SLC35F4: variants seen among roughly 807,000 people sequenced by gnomAD.
SLC35F4 encodes chromosome 14 open reading frame 36.
A neutral mutation model predicts 44.2 loss-of-function variants in SLC35F4; 24 were observed. The ratio of observed to expected loss-of-function variants is 0.54; its 90% confidence interval spans 0.39 to 0.76. The LOEUF (loss-of-function observed/expected upper bound fraction) is 0.76, where lower values mean the gene tolerates loss of function less well. SLC35F4 is among the 30% of genes least tolerant of loss of function. SLC35F4 has a pLI of 0.00. For missense variants in SLC35F4, 562 were observed against 586.1 expected, an observed-to-expected ratio of 0.96 and a Z score of 0.42; for synonymous variants, 238 against 223.6, an observed-to-expected ratio of 1.06 and a Z score of -0.57.
intron 1 of SLC35F4, among the ~76,000 whole-genome samples, chr14:57,970,593 T>C (rs1221255421): frequency 6.6e-6 from 1 of 152,146 alleles, no homozygotes; most frequent in Non-Finnish European, 1.5e-5. Context: ...GAAATATATC[T>C]CCCAGGATAC....
At chr14:57,941,387 A>G (rs117073809) in intron 1 of SLC35F4, among the ~76,000 whole-genome samples, 280 of 152,354 alleles carry the variant, frequency 1.8e-3, no homozygotes, top group Middle Eastern at 3.4e-3. Flanking sequence ...TGCTGTAACA[A>G]TATGGATGAA....
At chr14:57,582,188 C>G (rs2069327042) in intron 3 of SLC35F4, among the ~76,000 whole-genome samples, 2 of 144,428 alleles carry the variant, frequency 1.4e-5, no homozygotes, top group Admixed American at 6.8e-5. Flanking sequence ...CCTTTAAGTC[C>G]TAGGCCTAAA....
chr14:57,851,519 T>C (rs1886562422), intron 1 of SLC35F4, among the ~76,000 whole-genome samples: 1 of 152,338 alleles, frequency 6.6e-6, no homozygotes, highest in African/African-American at 2.4e-5. Context: ...GCAATTATGA[T>C]GTCAAGTCAA....
intron 1 of SLC35F4, among the ~76,000 whole-genome samples, chr14:57,811,151 C>A (rs537840314): frequency 6.6e-6 from 1 of 152,274 alleles, no homozygotes; most frequent in Admixed American, 6.5e-5. Flanking sequence ...AACTTAACTA[C>A]CCAGTATTTA....
intron 1 of SLC35F4, among the ~76,000 whole-genome samples, chr14:57,730,594 G>A (rs958445568): frequency 1.3e-5 from 2 of 152,092 alleles, no homozygotes; most frequent in Non-Finnish European, 2.9e-5. Context: ...TAAGAAAGGT[G>A]ACTTTTATTT....
intron 1 of SLC35F4, among the ~76,000 whole-genome samples, chr14:57,704,097 C>T (rs575851002): frequency 3.5e-4 from 54 of 152,254 alleles, no homozygotes; most frequent in African/African-American, 1.3e-3. Flanking sequence ...GGACTTAGAA[C>T]TAGAGAGTTC....
chr14:57,756,378 G>T (rs937832860), intron 1 of SLC35F4, among the ~76,000 whole-genome samples: 2 of 151,916 alleles, frequency 1.3e-5, no homozygotes, highest in African/African-American at 4.8e-5. Context: ...AGATTTTCTA[G>T]ATACGTTTTT....
chr14:57,685,169 A>G (rs1322994931), intron 1 of SLC35F4, among the ~76,000 whole-genome samples: 1 of 152,196 alleles, frequency 6.6e-6, no homozygotes, highest in East Asian at 1.9e-4. Context: ...AGTGCAGATA[A>G]GGGTAAGCAG....
At chr14:57,589,140 C>T (rs571460843) in intron 3 of SLC35F4, 76 bp downstream of exon 3, 1 of 1,478,170 alleles carries the variant, frequency 6.8e-7, no homozygotes, top group South Asian at 1.4e-5. Flanking sequence ...AACTCATATT[C>T]CCAAGAGATA....
At position 57,775,307 on chromosome 14, in the gene SLC35F4, G is replaced by A. The variant is rs186555434; in HGVS notation, c.103+90416C>T. Among the ~76,000 whole-genome samples the A allele has an allele frequency of 1.1e-3, 175 of 152,310 alleles. 1 individual carries two copies. The Middle Eastern group carries it at 0.014, about 12-fold the overall frequency. On this transcript the variant is annotated intron_variant, in intron 1 of 7. Transcript: ENST00000556826. Reference sequence around the variant, plus strand: ...CGATAAGTGTGCACCTCACCACACTGCTGCTGCCACTGCTGCTGGCACCTG... The same window carrying A: ...CGATAAGTGTGCACCTCACCACACTACTGCTGCCACTGCTGCTGGCACCTG...
In SLC35F4 at chr14:57,732,737, T is replaced by C. The variant is rs565355065; in HGVS notation, c.103+132986A>G. Reference sequence around the variant, plus strand: ...AGTTATGGGAATGCAATAAGAAATCTTATTATAGTTGGAAGGAAGATCTAT... The same window carrying C: ...AGTTATGGGAATGCAATAAGAAATCCTATTATAGTTGGAAGGAAGATCTAT... On this transcript the variant is annotated intron_variant, in intron 1 of 7. Coordinates refer to ENST00000556826, the MANE Select transcript of SLC35F4 (RefSeq NM_001306087.2). Among the ~76,000 whole-genome samples the C allele has an allele frequency of 3.3e-5, 5 of 152,222 alleles. No individual in the cohort carries two copies. The East Asian group carries it at 5.8e-4, about 18-fold the overall frequency.
chr14:57,818,590 C>G (rs566413856), intron 1 of SLC35F4, among the ~76,000 whole-genome samples: 90 of 152,224 alleles, frequency 5.9e-4, no homozygotes, highest in Non-Finnish European at 1.0e-3. Flanking sequence ...TGCTTCTCTG[C>G]CCTGTAGTCA....
At chr14:57,965,903 C>G (rs1213440963) in intron 1 of SLC35F4, among the ~76,000 whole-genome samples, 1 of 152,166 alleles carries the variant, frequency 6.6e-6, no homozygotes. Flanking sequence ...ATTTCCTTCC[C>G]TCTTCATGGT....
chr14:57,575,556 T>A (rs2068740193), intron 4 of SLC35F4, among the ~76,000 whole-genome samples: 2 of 152,210 alleles, frequency 1.3e-5, no homozygotes, highest in Admixed American at 6.5e-5. Context: ...GTGAGAATGT[T>A]AGTAACCATA....
intron 1 of SLC35F4, among the ~76,000 whole-genome samples, chr14:57,784,262 T>C (rs1403321613): frequency 6.6e-6 from 1 of 152,206 alleles, no homozygotes; most frequent in African/African-American, 2.4e-5. Context: ...AAAATGATTT[T>C]AGACAATCTG....
At position 57,581,402 on chromosome 14, in the gene SLC35F4, G is replaced by C; in HGVS notation, c.619C>G (p.Leu207Val). The C allele has an allele frequency of 6.2e-7, 1 of 1,612,110 alleles. No individual in the cohort carries two copies. Among genetic ancestry groups the C allele is most frequent in the Non-Finnish European group, 8.5e-7 (1 of 1,179,086 alleles). The stretch of plus-strand genomic sequence containing the variant: ...CTTTTAAGAAAGAGTTTCAGCGTCA[G>C]ACCATCTTCACCAAAAATCCGACTG... ...ECSRIFGEDG[L>V]TLKLFLKRTA... The change falls in exon 4 of 8, where the codon CTG becomes GTG. Residue 207 changes from leucine to valine, a missense_variant. Leu to Val is a conservative substitution (Grantham distance 32, BLOSUM62 1). Transcript: ENST00000556826.
intron 1 of SLC35F4, among the ~76,000 whole-genome samples, chr14:57,805,985 A>G (rs528285364): frequency 6.6e-6 from 1 of 152,332 alleles, no homozygotes; most frequent in Admixed American, 6.5e-5. Context: ...CTAGGCTGAT[A>G]AAATATTTTT....
At chr14:57,800,149 A>G (rs1221760256) in intron 1 of SLC35F4, among the ~76,000 whole-genome samples, 4 of 152,182 alleles carry the variant, frequency 2.6e-5, no homozygotes, top group African/African-American at 9.7e-5. Context: ...GAGCTTCCAG[A>G]GGAAGGATCT....
chr14:57,748,627 T>C (rs929912142), intron 1 of SLC35F4, among the ~76,000 whole-genome samples: 1 of 152,164 alleles, frequency 6.6e-6, no homozygotes, highest in African/African-American at 2.4e-5. Flanking sequence ...TTGAGAACCT[T>C]TGTCTTATTT....
Sources: allele counts gnomAD v4.1 joint callset (sites outside exome capture counted in the v4.1 genomes callset), GRCh38; gene constraint gnomAD v4.1.1; transcripts MANE v1.5; gene names NCBI Gene and HGNC (gene_info 2026-07-23, HGNC 2026-07-21).